GEMIN8: variants seen among roughly 807,000 people sequenced by gnomAD.
The protein encoded by GEMIN8 is gem nuclear organelle associated protein 8.
For missense variants in GEMIN8, 185 were observed against 205.9 expected (o/e 0.90, Z 0.62); for synonymous variants, 80 against 78.5 (o/e 1.02, Z -0.10).
the GEMIN8 span, among the ~76,000 whole-genome samples, chrX:13,989,407 C>T: frequency 8.9e-6 from 1 of 111,821 alleles, no homozygotes; most frequent in East Asian, 2.8e-4. Flanking sequence ...CCAGCAAAGA[C>T]CATGTTTTTG....
chrX:14,017,854 C>A (rs1451936060), intron 4 of GEMIN8, among the ~76,000 whole-genome samples: 1 of 112,474 alleles, frequency 8.9e-6, no homozygotes, highest in Non-Finnish European at 1.9e-5. Context: ...AATAAGGTCA[C>A]ATTCTGAGGA....
chrX:13,986,884 CAACCAACA>C, the GEMIN8 span, among the ~76,000 whole-genome samples: 4 of 112,300 alleles, frequency 3.6e-5, no homozygotes, highest in Admixed American at 9.4e-5. Context: ...GGACTGTTGC[CAACCAACA>C]AGAAAGTATT....
Position 14,008,042 on chromosome X carries a change from C to T in GEMIN8, c.*871G>A, listed in dbSNP as rs991823016. Among the ~76,000 whole-genome samples, 10 of 109,298 alleles carry T rather than the reference C, an allele frequency of 9.1e-5. No homozygotes were observed. The highest frequency in any genetic ancestry group is 5.9e-4 in the East Asian group (2 of 3,399). The allele number at this position is 109,298 out of a possible 115,157, so 94.9% of individuals were successfully genotyped here. ...TTCTCTAGGTTGGAGTGCAGTGGCG[C>T]GATCTCAGCTCACTGCAACCTCTGC... On this transcript the variant is annotated 3_prime_UTR_variant, in exon 5 of 5. Transcript: ENST00000680255.
At position 14,024,197 on chromosome X, in the gene GEMIN8, G is replaced by T. The variant is rs144337402; in HGVS notation, c.-34+1943C>A. On this transcript the variant is annotated intron_variant, in intron 2 of 4. Coordinates refer to ENST00000680255, the MANE Select transcript of GEMIN8 (RefSeq NM_001042479.2). Reference sequence around the variant, plus strand: ...TTCTCCAGGCTGCTCAAATGTCAATGGCTGTGATTTAGAGGGAGGGGCCAG... The same window carrying T: ...TTCTCCAGGCTGCTCAAATGTCAATTGCTGTGATTTAGAGGGAGGGGCCAG... 4.9e-3 allele frequency among the ~76,000 whole-genome samples: 546 copies of T among 112,137 alleles called. 3 individuals are homozygous for T. The highest frequency in any genetic ancestry group is 7.2e-3 in the Admixed American group (76 of 10,614).
intron 2 of GEMIN8, 188 bp downstream of exon 2, chrX:14,025,952 G>T: frequency 2.6e-6 from 1 of 383,085 alleles, no homozygotes; most frequent in Non-Finnish European, 3.3e-6. Flanking sequence ...TTTTCTTCAC[G>T]CATGGAGAAC....
At chrX:13,994,260 AT>A in the GEMIN8 span, among the ~76,000 whole-genome samples, 3 of 111,266 alleles carry the variant, frequency 2.7e-5, no homozygotes, top group African/African-American at 9.8e-5. Context: ...ACACAGCCGT[AT>A]TTTCTGCCTT....
At chrX:14,004,980 G>A (rs762881126), downstream of GEMIN8, among the ~76,000 whole-genome samples, 1 of 111,878 alleles carries the variant, frequency 8.9e-6, no homozygotes, top group Non-Finnish European at 1.9e-5. Flanking sequence ...CAATAGGCTT[G>A]TAAGTGGTCT....
At chrX:14,021,814 G>GTGTATATATA (rs372889181) in intron 2 of GEMIN8, among the ~76,000 whole-genome samples, 27 of 78,264 alleles carry the variant, frequency 3.4e-4, no homozygotes, top group African/African-American at 1.3e-3. Flanking sequence ...TAATGTGTGT[G>GTGTATATATA]TATATATATA....
the GEMIN8 span, among the ~76,000 whole-genome samples, chrX:13,993,305 T>C: frequency 9.0e-6 from 1 of 111,204 alleles, no homozygotes; most frequent in Admixed American, 9.6e-5. Context: ...CAGGGCTTCA[T>C]GACTGTCTCC....
chrX:14,026,026 A>T, intron 2 of GEMIN8, 114 bp downstream of exon 2: 1 of 740,134 alleles, frequency 1.4e-6, no homozygotes. Context: ...TATAGACATT[A>T]CAGCAACACC....
intron 4 of GEMIN8, among the ~76,000 whole-genome samples, chrX:14,010,947 C>T (rs749496414): frequency 1.8e-5 from 2 of 112,463 alleles, no homozygotes; most frequent in Non-Finnish European, 3.8e-5. Context: ...TCAGTTCTCA[C>T]AAGTGTTTAA....
chrX:14,028,502 T>G (rs1295285857), intron 1 of GEMIN8, among the ~76,000 whole-genome samples: 2 of 112,235 alleles, frequency 1.8e-5, no homozygotes, highest in Non-Finnish European at 3.8e-5. Context: ...CTGAATTTCC[T>G]CTTGTAGAGA....
chrX:14,005,950 C>G (rs1478721257), downstream of GEMIN8, among the ~76,000 whole-genome samples: 1 of 110,923 alleles, frequency 9.0e-6, no homozygotes, highest in Non-Finnish European at 1.9e-5. Context: ...ATGTTCCCCT[C>G]GGTGGCAAAG....
the GEMIN8 span, among the ~76,000 whole-genome samples, chrX:13,996,559 A>C: frequency 8.9e-6 from 1 of 111,754 alleles, no homozygotes; most frequent in Admixed American, 9.5e-5. Flanking sequence ...CTCCCGCAAC[A>C]CATGGGAATT....
chrX:13,994,874 AG>A, the GEMIN8 span, among the ~76,000 whole-genome samples: 1 of 112,385 alleles, frequency 8.9e-6, no homozygotes, highest in Non-Finnish European at 1.9e-5. Flanking sequence ...GGTTCTCTAG[AG>A]GGACAGGACT....
chrX:14,000,995 T>C, the GEMIN8 span, among the ~76,000 whole-genome samples: 5 of 112,238 alleles, frequency 4.5e-5, no homozygotes, highest in Admixed American at 4.7e-4. Context: ...GGTTTCTAGA[T>C]TGTCTACTTT....
the GEMIN8 span, among the ~76,000 whole-genome samples, chrX:14,000,779 G>A: frequency 9.0e-6 from 1 of 111,185 alleles, no homozygotes; most frequent in East Asian, 2.8e-4. Context: ...GTTATACTTT[G>A]GGTTACAATC....
At chrX:14,021,589 G>A in intron 2 of GEMIN8, 78 bp from the exon 3 acceptor site, 1 of 693,879 alleles carries the variant, frequency 1.4e-6, no homozygotes, top group Non-Finnish European at 2.2e-6. Context: ...TGGTTTGTGA[G>A]GCAGCTCCCA....
chrX:14,017,351 A>C (rs184190920), intron 4 of GEMIN8, among the ~76,000 whole-genome samples: 11 of 112,015 alleles, frequency 9.8e-5, no homozygotes, highest in African/African-American at 3.6e-4. Context: ...ATTCCCTTTT[A>C]TGATGGTTTG....
Sources: gnomAD v4.1 joint callset for allele counts (sites outside exome capture counted in the v4.1 genomes callset) on GRCh38, gnomAD v4.1.1 for gene constraint, MANE v1.5 for transcripts, NCBI Gene and HGNC (gene_info 2026-07-23, HGNC 2026-07-21) for gene names.